Variants in NTRK2 observed in about 807,000 individuals in gnomAD.
NTRK2 encodes the protein BDNF/NT-3 growth factors receptor.
Under a neutral mutation model 94.5 loss-of-function variants are expected in NTRK2, and 13 were observed. That is an observed-to-expected ratio of 0.14 (90% CI 0.09 to 0.22). The LOEUF is 0.22. NTRK2 is among the 10% of genes least tolerant of loss of function. The pLI is 1.00. For missense variants in NTRK2, 639 were observed against 1,071.2 expected, an observed-to-expected ratio of 0.60 and a Z score of 5.63; for synonymous variants, 372 against 407.4, an observed-to-expected ratio of 0.91 and a Z score of 1.05.
At chr9:84,898,005 G>T (rs186728952) in intron 14 of NTRK2, among the ~76,000 whole-genome samples, 4 of 152,068 alleles carry the variant, frequency 2.6e-5, no homozygotes, top group Non-Finnish European at 2.9e-5. Context: ...AGGAAATCTG[G>T]AGGCAGAAAA....
chr9:84,718,200 G>T (rs547532691), intron 6 of NTRK2, among the ~76,000 whole-genome samples: 1 of 152,160 alleles, frequency 6.6e-6, no homozygotes, highest in African/African-American at 2.4e-5. Flanking sequence ...AATAATAGTT[G>T]TAGGAACAAA....
intron 15 of NTRK2, among the ~76,000 whole-genome samples, chr9:84,939,147 C>T (rs1188463005): frequency 1.3e-5 from 2 of 150,270 alleles, no homozygotes; most frequent in Non-Finnish European, 3.0e-5. Context: ...TATTGATAGT[C>T]ATAGACTTTT....
intron 14 of NTRK2, among the ~76,000 whole-genome samples, chr9:84,887,922 A>G (rs1425515754): frequency 2.6e-5 from 4 of 152,240 alleles, no homozygotes; most frequent in Non-Finnish European, 5.9e-5. Context: ...TGTGGGGACA[A>G]AAGTGACACA....
intron 12 of NTRK2, among the ~76,000 whole-genome samples, chr9:84,769,545 C>T (rs924094440): frequency 6.6e-6 from 1 of 152,326 alleles, no homozygotes. Flanking sequence ...CGATACAATT[C>T]AATTCAAACA....
intron 12 of NTRK2, among the ~76,000 whole-genome samples, chr9:84,765,490 G>T (rs979376275): frequency 1.3e-5 from 2 of 152,300 alleles, no homozygotes; most frequent in East Asian, 3.9e-4. Flanking sequence ...TTATTTTATA[G>T]ATGAGGATGG....
intron 12 of NTRK2, among the ~76,000 whole-genome samples, chr9:84,823,567 G>C (rs2072988295): frequency 6.6e-6 from 1 of 152,210 alleles, no homozygotes; most frequent in Non-Finnish European, 1.5e-5. Context: ...ACTACAGGTT[G>C]GGACAGTCCT....
At chr9:84,785,744 G>T (rs1373719424) in intron 12 of NTRK2, among the ~76,000 whole-genome samples, 1 of 152,142 alleles carries the variant, frequency 6.6e-6, no homozygotes, top group East Asian at 1.9e-4. Context: ...CTTCCTATGA[G>T]ATTTTTATTC....
In NTRK2 at chr9:84,918,343, G is replaced by A. The variant is rs3780638; in HGVS notation, c.1634-15819G>A. On this transcript the variant is annotated intron_variant, in intron 14 of 18. Transcript: ENST00000277120. ...TGCCCCTGTCCTTTGCTCCACAATG[G>A]GGGCTTCTTTGCATCTGCTTCTGCA... is the stretch of plus-strand genomic sequence containing the variant. 2.5e-4 allele frequency among the ~76,000 whole-genome samples: 38 copies of A among 152,240 alleles called. No homozygotes were observed. In the East Asian group the frequency reaches 5.2e-3, roughly 21 times the overall value.
At chr9:84,985,286 A>G (rs1001781436) in intron 17 of NTRK2, among the ~76,000 whole-genome samples, 2 of 152,222 alleles carry the variant, frequency 1.3e-5, no homozygotes, top group African/African-American at 2.4e-5. Flanking sequence ...TGAAGGAGGT[A>G]TGATCAGCTG....
intron 17 of NTRK2, among the ~76,000 whole-genome samples, chr9:84,959,773 C>T (rs1824673862): frequency 6.6e-6 from 1 of 152,206 alleles, no homozygotes; most frequent in Non-Finnish European, 1.5e-5. Flanking sequence ...ATTTAGGAAA[C>T]ATCTGAACCA....
At chr9:84,968,134 A>G (rs1411028875) in intron 17 of NTRK2, among the ~76,000 whole-genome samples, 1 of 152,178 alleles carries the variant, frequency 6.6e-6, no homozygotes, top group Admixed American at 6.5e-5. Flanking sequence ...CTGATGAGAA[A>G]AATAATATTC....
rs1349713998 is a variant in NTRK2 at position 84,699,038 on chromosome 9, A to AT, written c.213-3121_213-3120insT. Among the ~76,000 whole-genome samples the AT allele has an allele frequency of 3.0e-4, 33 of 108,472 alleles. No homozygotes were observed. In the East Asian group the frequency reaches 4.1e-3, roughly 14 times the overall value. The allele number at this position is 108,472 out of a possible 152,430, so 71.2% of individuals were successfully genotyped here. ...TACTACTAGAGGAGCCCTTGCTGAA[A>AT]ATTTTTTTTTTTTTTTGAGACGGAG... On this transcript the variant is annotated intron_variant, in intron 2 of 18. Coordinates refer to ENST00000277120, the MANE Select transcript of NTRK2 (RefSeq NM_006180.6).
chr9:84,767,363 T>C (rs1053486315), intron 12 of NTRK2, among the ~76,000 whole-genome samples: 4 of 152,206 alleles, frequency 2.6e-5, no homozygotes, highest in Non-Finnish European at 5.9e-5. Flanking sequence ...GCATTCCTTT[T>C]GGCTGAAAAG....
chr9:84,686,133 A>G (rs1264599521), intron 2 of NTRK2, among the ~76,000 whole-genome samples: 1 of 152,228 alleles, frequency 6.6e-6, no homozygotes, highest in African/African-American at 2.4e-5. Context: ...ATTTTTCTCA[A>G]GCTATCAAGT....
intron 9 of NTRK2, among the ~76,000 whole-genome samples, chr9:84,733,621 A>T (rs1245410598): frequency 6.6e-6 from 1 of 152,170 alleles, no homozygotes; most frequent in Non-Finnish European, 1.5e-5. Flanking sequence ...CATAAAATAT[A>T]AAAGGTGGAG....
intron 12 of NTRK2, among the ~76,000 whole-genome samples, chr9:84,773,286 G>A (rs2066729173): frequency 6.6e-6 from 1 of 152,214 alleles, no homozygotes; most frequent in Admixed American, 6.5e-5. Context: ...GACTCTTATA[G>A]ACCCTGAGGA....
chr9:84,750,899 G>C (rs562922235), intron 11 of NTRK2, among the ~76,000 whole-genome samples: 1 of 152,336 alleles, frequency 6.6e-6, no homozygotes, highest in South Asian at 2.1e-4. Flanking sequence ...GTAGCAGAGT[G>C]ATCGCATTTC....
At chr9:85,017,876 C>T (rs1832400619) in intron 17 of NTRK2, among the ~76,000 whole-genome samples, 1 of 152,112 alleles carries the variant, frequency 6.6e-6, no homozygotes, top group South Asian at 2.1e-4. Context: ...GCTGGTTGCA[C>T]CATAGCACTA....
intron 17 of NTRK2, among the ~76,000 whole-genome samples, chr9:85,005,769 C>A (rs1347241082): frequency 6.6e-6 from 1 of 152,192 alleles, no homozygotes; most frequent in Admixed American, 6.5e-5. Context: ...TGTTCTTTTA[C>A]TTCATTCAAA....
Sources: gnomAD v4.1 joint callset for allele counts (sites outside exome capture counted in the v4.1 genomes callset) on GRCh38, gnomAD v4.1.1 for gene constraint, MANE v1.5 for transcripts, NCBI Gene and HGNC (gene_info 2026-07-23, HGNC 2026-07-21) for gene names.